Variants in GRIN2A observed in about 807,000 individuals in gnomAD.
GRIN2A encodes the protein glutamate ionotropic receptor NMDA type subunit 2A, also known as glutamate receptor ionotropic, NMDA 2A.
In GRIN2A, 22 loss-of-function variants were observed where a neutral mutation model predicts 113.4. That is an observed-to-expected ratio of 0.19 (90% confidence interval 0.14 to 0.28). The LOEUF (loss-of-function observed/expected upper bound fraction) is 0.28. Among genes scored for constraint, GRIN2A ranks in the 10% least tolerant of loss-of-function variants. GRIN2A has a pLI of 1.00. For synonymous variants in GRIN2A, 827 were observed against 738.4 expected, an observed-to-expected ratio of 1.12 and a Z score of -1.94; for missense variants, 1,502 against 1,887.0, an observed-to-expected ratio of 0.80 and a Z score of 3.78.
chr16:9,956,185 T>C (rs2045305442), intron 2 of GRIN2A, among the ~76,000 whole-genome samples: 1 of 152,216 alleles, frequency 6.6e-6, no homozygotes, highest in Non-Finnish European at 1.5e-5. Context: ...AAGTGAGATG[T>C]TTGGAAAGAA....
intron 3 of GRIN2A, among the ~76,000 whole-genome samples, chr16:9,899,895 A>C (rs1288972617): frequency 6.6e-6 from 1 of 152,242 alleles, no homozygotes; most frequent in Non-Finnish European, 1.5e-5. Context: ...AGAATTGGAT[A>C]GCCTGAGTTA....
chr16:10,130,791 C>A (rs982220232), intron 2 of GRIN2A, among the ~76,000 whole-genome samples: 2 of 152,214 alleles, frequency 1.3e-5, no homozygotes, highest in African/African-American at 4.8e-5. Flanking sequence ...AGTTCGGGAG[C>A]AGCCTGACTC....
intron 2 of GRIN2A, among the ~76,000 whole-genome samples, chr16:10,015,970 G>T (rs552187884): frequency 6.6e-6 from 1 of 152,206 alleles, no homozygotes; most frequent in Admixed American, 6.5e-5. Context: ...ACAAAAATTG[G>T]TTGGGTGTGA....
At chr16:10,048,399 T>C (rs771400991) in intron 2 of GRIN2A, among the ~76,000 whole-genome samples, 1 of 152,142 alleles carries the variant, frequency 6.6e-6, no homozygotes, top group South Asian at 2.1e-4. Flanking sequence ...AGCCAACATA[T>C]CAGGAATTAT....
chr16:9,861,964 C>G (rs982565961), intron 4 of GRIN2A, among the ~76,000 whole-genome samples: 1 of 152,164 alleles, frequency 6.6e-6, no homozygotes, highest in Non-Finnish European at 1.5e-5. Context: ...AGAACCTTTC[C>G]TGGAAGCTGA....
chr16:9,811,850 G>T (rs1316495243), intron 10 of GRIN2A, among the ~76,000 whole-genome samples: 5 of 152,152 alleles, frequency 3.3e-5, no homozygotes, highest in African/African-American at 1.2e-4. Flanking sequence ...TCTTCCCCAG[G>T]AGGAATTTTC....
chr16:9,976,011 T>C (rs1179741116), intron 2 of GRIN2A, among the ~76,000 whole-genome samples: 2 of 152,130 alleles, frequency 1.3e-5, no homozygotes, highest in African/African-American at 2.4e-5. Flanking sequence ...AAATACAGAA[T>C]GGAACTAAAA....
intron 5 of GRIN2A, among the ~76,000 whole-genome samples, chr16:9,844,473 G>C (rs2141355058): frequency 6.6e-6 from 1 of 152,326 alleles, no homozygotes; most frequent in African/African-American, 2.4e-5. Flanking sequence ...CCTTGTGTGG[G>C]TGTGCAGGGG....
At chr16:10,055,923 T>A (rs1181042278) in intron 2 of GRIN2A, among the ~76,000 whole-genome samples, 1 of 152,176 alleles carries the variant, frequency 6.6e-6, no homozygotes, top group African/African-American at 2.4e-5. Flanking sequence ...CAGCAGGAAT[T>A]ATACCCAACA....
chr16:9,809,160 C>T (rs536281890), intron 10 of GRIN2A, among the ~76,000 whole-genome samples: 1 of 152,312 alleles, frequency 6.6e-6, no homozygotes, highest in African/African-American at 2.4e-5. Flanking sequence ...TGGCTCACTC[C>T]TGTAATCCCA....
intron 1 of GRIN2A, among the ~76,000 whole-genome samples, chr16:10,181,039 G>A: frequency 6.6e-6 from 1 of 152,162 alleles, no homozygotes; most frequent in Non-Finnish European, 1.5e-5. Context: ...TACAGACCCG[G>A]CTCCTCTCAG....
intron 2 of GRIN2A, among the ~76,000 whole-genome samples, chr16:9,982,110 CTT>C (rs1291566288): frequency 6.6e-6 from 1 of 152,120 alleles, no homozygotes; most frequent in East Asian, 1.9e-4. Context: ...TCTTGAGACT[CTT>C]TTTATTTCAT....
At chr16:9,820,972 A>C (rs2042271925) in intron 10 of GRIN2A, among the ~76,000 whole-genome samples, 1 of 152,158 alleles carries the variant, frequency 6.6e-6, no homozygotes. Context: ...TGCCAAAGAC[A>C]TTCCAAAGGC....
intron 11 of GRIN2A, among the ~76,000 whole-genome samples, chr16:9,780,847 T>A (rs1342468588): frequency 2.0e-5 from 3 of 152,218 alleles, no homozygotes; most frequent in Admixed American, 2.0e-4. Context: ...AAATACAAAC[T>A]TTTTTAAGCG....
chr16:10,119,796 C>A (rs1217483717), intron 2 of GRIN2A, among the ~76,000 whole-genome samples: 1 of 152,172 alleles, frequency 6.6e-6, no homozygotes, highest in Non-Finnish European at 1.5e-5. Context: ...CCTGTGTTCG[C>A]ACTGTTTAGC....
intron 3 of GRIN2A, among the ~76,000 whole-genome samples, chr16:9,907,344 C>T (rs2044046699): frequency 6.6e-6 from 1 of 152,202 alleles, no homozygotes; most frequent in South Asian, 2.1e-4. Context: ...AGGCATTCTA[C>T]TGATTGACGG....
At chr16:9,891,682 G>C (rs1026667162) in intron 3 of GRIN2A, among the ~76,000 whole-genome samples, 1 of 152,160 alleles carries the variant, frequency 6.6e-6, no homozygotes, top group South Asian at 2.1e-4. Context: ...AAGTGAAATA[G>C]GGGTGAGGCA....
intron 2 of GRIN2A, among the ~76,000 whole-genome samples, chr16:10,128,480 G>C (rs929433314): frequency 6.6e-6 from 1 of 152,170 alleles, no homozygotes; most frequent in Non-Finnish European, 1.5e-5. Flanking sequence ...GGCCATTACA[G>C]AATGTTGAGA....
intron 3 of GRIN2A, among the ~76,000 whole-genome samples, chr16:9,894,657 T>C (rs562426822): frequency 2.6e-5 from 4 of 152,294 alleles, no homozygotes; most frequent in African/African-American, 9.6e-5. Flanking sequence ...AAGTAACTAA[T>C]TGAGCCTAAG....
Sources: gnomAD v4.1 joint callset for allele counts (sites outside exome capture counted in the v4.1 genomes callset) on GRCh38, gnomAD v4.1.1 for gene constraint, MANE v1.5 for transcripts, NCBI Gene and HGNC (gene_info 2026-07-23, HGNC 2026-07-21) for gene names.